ALG12: variants seen among roughly 807,000 people sequenced by gnomAD.
ALG12 encodes the protein dol-P-Man:Man(7)GlcNAc(2)-PP-Dol alpha-1,6-mannosyltransferase.
In ALG12, 36 loss-of-function variants were observed where a neutral mutation model predicts 46.0. The ratio of observed to expected loss-of-function variants is 0.78; its 90% CI spans 0.60 to 1.03. The LOEUF (loss-of-function observed/expected upper bound fraction) is 1.03, where lower values mean the gene tolerates loss of function less well. Ranked by LOEUF, ALG12 falls within the 50% of genes least tolerant of loss-of-function variation. The pLI is 0.00. For synonymous variants in ALG12, 326 were observed against 291.6 expected, an observed-to-expected ratio of 1.12 and a Z score of -1.20; for missense variants, 599 against 633.5, an observed-to-expected ratio of 0.95 and a Z score of 0.58.
At chr22:49,916,605 C>T (rs1358558015) in intron 1 of ALG12, among the ~76,000 whole-genome samples, 2 of 152,118 alleles carry the variant, frequency 1.3e-5, no homozygotes, top group Non-Finnish European at 2.9e-5. Context: ...GGAAGCAAGC[C>T]GGATGTGTTG....
In ALG12 at chr22:49,910,034, A is replaced by T; in HGVS notation, c.524T>A (p.Leu175Gln). Reference sequence around the variant, plus strand: ...GAACACGATGATGGCGAAGGCTGACAGCCAGATGAAGCGGGCCCACTCGTG... The same window carrying T: ...GAACACGATGATGGCGAAGGCTGACTGCCAGATGAAGCGGGCCCACTCGTG... ...LRHEWARFIW[L>Q]SAFAIIVFRV... Residue 175 changes from leucine to glutamine, a missense_variant, in exon 5 of 10, where the codon CTG (leucine) becomes CAG (glutamine). Transcript: ENST00000330817. 1 of 1,613,382 alleles carries T rather than the reference A, an allele frequency of 6.2e-7. No individual in the cohort carries two copies. Among genetic ancestry groups the T allele is most frequent in the Non-Finnish European group, 8.5e-7 (1 of 1,179,886 alleles).
chr22:49,884,990 C>A, the ALG12 span: 1 of 1,613,580 alleles, frequency 6.2e-7, no homozygotes, highest in Non-Finnish European at 8.5e-7. Flanking sequence ...TTGTTTGAAT[C>A]TGGCGCCATC....
the ALG12 span, among the ~76,000 whole-genome samples, chr22:49,894,114 G>A: frequency 1.3e-5 from 2 of 152,192 alleles, no homozygotes; most frequent in Non-Finnish European, 2.9e-5. Flanking sequence ...GCAGTGAGCC[G>A]AGATGGCACC....
At chr22:49,909,786 A>T in intron 5 of ALG12, 108 bp downstream of exon 5, 1 of 1,447,288 alleles carries the variant, frequency 6.9e-7, no homozygotes, top group Non-Finnish European at 9.6e-7. Flanking sequence ...TGCTAAATTT[A>T]GGGTCATTTT....
Position 49,918,409 on chromosome 22 carries a change from G to C in ALG12, c.-225C>G, listed in dbSNP as rs1348501196. Reference sequence around the variant, plus strand: ...TACCGCAGCCCCGGCCGCTACGGCCGCAGAGACCCTCTGTGCCCTGAGTAA... The same window carrying C: ...TACCGCAGCCCCGGCCGCTACGGCCCCAGAGACCCTCTGTGCCCTGAGTAA... On this transcript the variant is annotated 5_prime_UTR_variant, in exon 1 of 10. Transcript: ENST00000330817. 2.8e-5 allele frequency: 5 copies of C among 176,874 alleles called. No individual in the cohort carries two copies. The highest frequency in any genetic ancestry group is 5.9e-5 in the Non-Finnish European group (5 of 84,540). 11.0% of individuals were successfully genotyped at this position (176,874 alleles called of 1,614,324 possible). A position where few individuals can be genotyped will look rare whatever the true frequency, so the allele number is the denominator to read the frequency against.
chr22:49,907,421 G>A (rs1480433491), intron 7 of ALG12, among the ~76,000 whole-genome samples: 1 of 152,188 alleles, frequency 6.6e-6, no homozygotes, highest in Admixed American at 6.5e-5. Flanking sequence ...CCCTCAGGGA[G>A]GAGAGAGGAC....
the ALG12 span, among the ~76,000 whole-genome samples, chr22:49,872,778 CA>C: frequency 6.6e-6 from 1 of 151,654 alleles, no homozygotes; most frequent in African/African-American, 2.4e-5. Context: ...GATCGCGGCT[CA>C]CTGCAACCTC....
chr22:49,895,549 G>C (rs1040720706), downstream of ALG12, among the ~76,000 whole-genome samples: 1 of 152,050 alleles, frequency 6.6e-6, no homozygotes, highest in South Asian at 2.1e-4. Context: ...CTACTCAGGA[G>C]GCTGAAGCAG....
intron 3 of ALG12, among the ~76,000 whole-genome samples, chr22:49,912,977 C>T (rs2060587734): frequency 1.3e-5 from 2 of 152,204 alleles, no homozygotes; most frequent in Non-Finnish European, 2.9e-5. Context: ...TGCACACAGG[C>T]CCTGCAGTGG....
the ALG12 span, among the ~76,000 whole-genome samples, chr22:49,881,865 C>T: frequency 6.6e-6 from 1 of 152,034 alleles, no homozygotes; most frequent in Non-Finnish European, 1.5e-5. Flanking sequence ...TTTTATCTGG[C>T]TGTACTTTGT....
the ALG12 span, among the ~76,000 whole-genome samples, chr22:49,892,655 C>T: frequency 9.2e-5 from 14 of 152,320 alleles, no homozygotes; most frequent in East Asian, 2.7e-3. Context: ...CCAGGTGAGT[C>T]CCCTGAAGGG....
chr22:49,873,230 G>A, the ALG12 span, among the ~76,000 whole-genome samples: 1 of 152,202 alleles, frequency 6.6e-6, no homozygotes, highest in African/African-American at 2.4e-5. Flanking sequence ...TCATCACTAA[G>A]CTTAATCATT....
chr22:49,886,475 A>C, the ALG12 span: 14 of 1,570,052 alleles, frequency 8.9e-6, no homozygotes, highest in Non-Finnish European at 9.5e-6. This position sits in a 1 kb window ranked among gnomAD's most constrained non-coding sequence, Gnocchi z 7.7. Context: ...CGTGCGCTAA[A>C]GCCCTTCGAG....
At chr22:49,877,784 C>A in the ALG12 span, among the ~76,000 whole-genome samples, 1 of 152,090 alleles carries the variant, frequency 6.6e-6, no homozygotes, top group South Asian at 2.1e-4. Context: ...ACACACACAT[C>A]CCTCCTGACT....
intron 7 of ALG12, 84 bp from the exon 8 acceptor site, chr22:49,904,590 CCTG>C (rs1275542207): frequency 4.0e-6 from 6 of 1,487,998 alleles, no homozygotes; most frequent in Non-Finnish European, 5.5e-6. Context: ...AGGAGCATAA[CCTG>C]CTGTTCAACT....
At chr22:49,863,532 CAGG>C in the ALG12 span, among the ~76,000 whole-genome samples, 1,197 of 151,742 alleles carry the variant, frequency 7.9e-3, 13 homozygotes, top group South Asian at 0.062. Context: ...GAGGCTGAGG[CAGG>C]AGAATTGCTT....
the ALG12 span, chr22:49,883,540 A>G: frequency 7.5e-7 from 1 of 1,331,506 alleles, no homozygotes; most frequent in African/African-American, 1.5e-5. Flanking sequence ...ATATTTCTAG[A>G]AACATCCTGA....
intron 5 of ALG12, 122 bp from the exon 6 acceptor site, chr22:49,909,469 G>T: frequency 1.9e-6 from 2 of 1,037,348 alleles, no homozygotes; most frequent in Non-Finnish European, 2.9e-6. Context: ...GGTTGGGCAG[G>T]GTGGGAAGAT....
the ALG12 span, chr22:49,884,838 G>A: frequency 6.2e-7 from 1 of 1,610,502 alleles, no homozygotes; most frequent in Non-Finnish European, 8.5e-7. Context: ...CCCCTGACAG[G>A]CTGACTGAGG....
Sources: allele counts gnomAD v4.1 joint callset (sites outside exome capture counted in the v4.1 genomes callset), GRCh38; gene constraint gnomAD v4.1.1; non-coding constraint Gnocchi (gnomAD v3.1); transcripts MANE v1.5; gene names NCBI Gene and HGNC (gene_info 2026-07-23, HGNC 2026-07-21).